Variants in APOOL observed in about 807,000 individuals in gnomAD.
APOOL encodes the protein MICOS complex subunit MIC27.
Under a neutral mutation model 23.1 loss-of-function variants are expected in APOOL, and 12 were observed. The ratio of observed to expected loss-of-function variants is 0.52; its 90% CI spans 0.33 to 0.84. The LOEUF (loss-of-function observed/expected upper bound fraction) is 0.84, where lower values mean the gene tolerates loss of function less well. APOOL is among the 40% of genes least tolerant of loss of function. The pLI, the probability that APOOL is intolerant of heterozygous loss-of-function variation, is 0.02. For synonymous variants in APOOL, 77 were observed against 69.9 expected, an observed-to-expected ratio of 1.10 and a Z score of -0.51; for missense variants, 212 against 199.6, an observed-to-expected ratio of 1.06 and a Z score of -0.37.
At chrX:85,056,468 G>C (rs1192600784) in intron 5 of APOOL, among the ~76,000 whole-genome samples, 1 of 111,778 alleles carries the variant, frequency 8.9e-6, no homozygotes. Flanking sequence ...TTTTGGCCGG[G>C]CACAGTGGCT....
In APOOL at chrX:85,051,504, G is replaced by T; in HGVS notation, c.236G>T (p.Cys79Phe). The change falls in exon 3 of 9, where the codon TGC becomes TTC. Residue 79 changes from cysteine (C) to phenylalanine (F), a missense_variant. Transcript: ENST00000373173. ...GCAACTGGTTGTTACATTGGCTGGT[G>T]CAAGGTAAGTCAATTCTGATAGTGG... ...RTATGCYIGW[C>F]KGVYVFVKNG... 8.3e-7 allele frequency: 1 copy of T among 1,211,084 alleles called. No individual in the cohort carries two copies.
intron 5 of APOOL, among the ~76,000 whole-genome samples, chrX:85,063,756 A>G (rs2147655684): frequency 9.0e-6 from 1 of 111,018 alleles, no homozygotes; most frequent in East Asian, 2.8e-4. Context: ...GTGCTTCTGG[A>G]TTTGGTTTGC....
chrX:85,014,392 A>G (rs889965223), intron 1 of APOOL, among the ~76,000 whole-genome samples: 3 of 109,970 alleles, frequency 2.7e-5, no homozygotes, highest in African/African-American at 9.9e-5. Context: ...TTTAAATTGC[A>G]TTATTGTTTT....
chrX:85,080,448 C>CT (rs1288664503), intron 8 of APOOL: 3 of 111,870 alleles, frequency 2.7e-5, no homozygotes, highest in African/African-American at 9.8e-5. Flanking sequence ...GCACTGTGGT[C>CT]TGAGAGACAG....
At chrX:85,033,565 T>G (rs1602751788) in intron 1 of APOOL, among the ~76,000 whole-genome samples, 1 of 111,980 alleles carries the variant, frequency 8.9e-6, no homozygotes, top group East Asian at 2.8e-4. Context: ...TTTTTTTCAT[T>G]GTTGAAGCCA....
At chrX:85,061,067 T>A (rs1243483034) in intron 5 of APOOL, among the ~76,000 whole-genome samples, 2 of 111,457 alleles carry the variant, frequency 1.8e-5, no homozygotes, top group Non-Finnish European at 1.9e-5. Context: ...CAATACCTAA[T>A]TTATTGAGAG....
chrX:85,010,951 A>G (rs1478694322), intron 1 of APOOL, among the ~76,000 whole-genome samples: 1 of 112,198 alleles, frequency 8.9e-6, no homozygotes, highest in Non-Finnish European at 1.9e-5. Flanking sequence ...GTACTAGCTT[A>G]CATTCTCACC....
chrX:85,020,554 C>A (rs754273085), intron 1 of APOOL, among the ~76,000 whole-genome samples: 54 of 111,499 alleles, frequency 4.8e-4, no homozygotes, highest in Non-Finnish European at 9.6e-4. Flanking sequence ...CAGGCTGCAT[C>A]CCACAGACCC....
At chrX:85,070,816 G>T (rs1202349750) in intron 6 of APOOL, among the ~76,000 whole-genome samples, 1 of 102,361 alleles carries the variant, frequency 9.8e-6, no homozygotes, top group African/African-American at 3.6e-5. Flanking sequence ...CTGCGTATAT[G>T]TCCAAAAAAA....
At chrX:85,054,323 C>A in intron 3 of APOOL, 21 bp from the exon 4 acceptor site, 1 of 1,171,565 alleles carries the variant, frequency 8.5e-7, no homozygotes, top group Non-Finnish European at 1.1e-6. Flanking sequence ...AGATGTCTTC[C>A]CCCCCTTTTT....
At position 85,046,439 on chromosome X, in the gene APOOL, T is replaced by G. The variant is rs1396223384; in HGVS notation, c.16-7T>G. The G allele has an allele frequency of 1.7e-6, 2 of 1,192,928 alleles. No individual in the cohort carries two copies. The highest frequency in any genetic ancestry group is 3.7e-5 in the South Asian group (2 of 54,449). The stretch of plus-strand genomic sequence containing the variant: ...CTAAAAAGATGTTTTTGATATATCT[T>G]TCTTAGATGGGAAAACTGACAACCA... On this transcript the variant is annotated splice_region_variant and splice_polypyrimidine_tract_variant and intron_variant, in intron 1 of 8. Coordinates refer to ENST00000373173, the MANE Select transcript of APOOL (RefSeq NM_198450.6).
At chrX:85,012,665 T>A (rs1033335083) in intron 1 of APOOL, among the ~76,000 whole-genome samples, 1 of 111,980 alleles carries the variant, frequency 8.9e-6, no homozygotes, top group Non-Finnish European at 1.9e-5. Flanking sequence ...TATTGACCTG[T>A]GTATGTTAAA....
At position 85,087,993 on chromosome X, in the gene APOOL, C is replaced by CAT. The variant is rs202099224; in HGVS notation, c.*326_*327dup. The CAT allele has an allele frequency of 3.3e-4, 36 of 109,048 alleles. 1 individual carries two copies. Among genetic ancestry groups the CAT allele is most frequent in the African/African-American group, 5.1e-4 (14 of 27,390 alleles). The allele number at this position is 109,048 out of a possible 1,213,427, so 9.0% of individuals were successfully genotyped here. A position where few individuals can be genotyped will look rare whatever the true frequency, so the allele number is the denominator to read the frequency against. On this transcript the variant is annotated 3_prime_UTR_variant, in exon 9 of 9. Transcript: ENST00000373173. ...CTAGTGAGATTAAAATCTAAAAATA[C>CAT]ATATATATATATGTATGTATAAATA...
chrX:85,006,753 C>T (rs1271026991), intron 1 of APOOL, among the ~76,000 whole-genome samples: 1 of 111,141 alleles, frequency 9.0e-6, no homozygotes, highest in African/African-American at 3.3e-5. Flanking sequence ...TTCACATTGG[C>T]CCTATGAGTA....
intron 2 of APOOL, among the ~76,000 whole-genome samples, chrX:85,048,506 A>G (rs1922653882): frequency 8.9e-6 from 1 of 112,203 alleles, no homozygotes; most frequent in Non-Finnish European, 1.9e-5. Context: ...ATATCATTTA[A>G]TTGAATTACT....
At chrX:85,009,583 A>G (rs1189243677) in intron 1 of APOOL, among the ~76,000 whole-genome samples, 1 of 111,355 alleles carries the variant, frequency 9.0e-6, no homozygotes, top group East Asian at 2.8e-4. Context: ...CATCTCTGGG[A>G]TAAAACTTAC....
chrX:85,056,128 G>A (rs952782319), intron 5 of APOOL, among the ~76,000 whole-genome samples: 4 of 111,012 alleles, frequency 3.6e-5, no homozygotes, highest in African/African-American at 6.5e-5. Flanking sequence ...GCTGTTCAAC[G>A]TCATTAGTCA....
At chrX:85,074,196 C>T (rs745828262) in intron 7 of APOOL, 78 bp from the exon 8 acceptor site, 10 of 1,163,352 alleles carry the variant, frequency 8.6e-6, no homozygotes, top group African/African-American at 7.2e-5. Flanking sequence ...GGACAGAGGT[C>T]GAGGATAAAA....
intron 5 of APOOL, among the ~76,000 whole-genome samples, chrX:85,066,882 G>T (rs773772458): frequency 2.7e-5 from 3 of 110,415 alleles, no homozygotes; most frequent in African/African-American, 9.9e-5. Context: ...AATTCCTTTT[G>T]TGTAGGTAAT....
Sources: allele counts gnomAD v4.1 joint callset (sites outside exome capture counted in the v4.1 genomes callset), GRCh38; gene constraint gnomAD v4.1.1; transcripts MANE v1.5; gene names NCBI Gene and HGNC (gene_info 2026-07-23, HGNC 2026-07-21).